Variants in SP3 observed in about 807,000 individuals in gnomAD.
The protein encoded by SP3 is Sp3 transcription factor.
In SP3, 10 loss-of-function variants were observed where a neutral mutation model predicts 70.3. The observed-to-expected ratio is 0.14, with a 90% confidence interval of 0.09 to 0.24. The LOEUF is 0.24. SP3 is among the 10% of genes least tolerant of loss of function. The pLI is 1.00. For synonymous variants in SP3, 402 were observed against 333.5 expected (o/e 1.21, Z -2.24); for missense variants, 825 against 914.6 (o/e 0.90, Z 1.26).
At position 173,949,799 on chromosome 2, in the gene SP3, TG is replaced by T. The variant is rs1574420147; in HGVS notation, c.1639+5073del. ...TAAGTTGTTTGCTTTTAAGAAGAAATGACTTCTATAAACTCTTCTTCCAACT... is the reference window on the plus strand; with the variant it reads ...TAAGTTGTTTGCTTTTAAGAAGAAATACTTCTATAAACTCTTCTTCCAACT... On this transcript the variant is annotated intron_variant, in intron 4 of 6. Transcript: ENST00000310015. 2.0e-5 allele frequency among the ~76,000 whole-genome samples: 3 copies of T among 152,320 alleles called. No homozygotes were observed. In the East Asian group the frequency reaches 5.8e-4, roughly 29 times the overall value.
intron 3 of SP3, among the ~76,000 whole-genome samples, chr2:173,958,875 A>T: frequency 6.6e-6 from 1 of 152,112 alleles, no homozygotes; most frequent in East Asian, 1.9e-4. Context: ...ACAACCGGAA[A>T]AACATTACCT....
At position 173,948,625 on chromosome 2, in the gene SP3, T is replaced by C. The variant is rs7572037; in HGVS notation, c.1639+6248A>G. ...ATAATTATGACAATATTTTAAAATA[T>C]ATGACACTAAGTCTTATTCCTAAGA... On this transcript the variant is annotated intron_variant, in intron 4 of 6. Transcript: ENST00000310015. Among the ~76,000 whole-genome samples the C allele has an allele frequency of 8.2e-3, 1,246 of 152,298 alleles. 20 individuals carry two copies. Among genetic ancestry groups the C allele is most frequent in the African/African-American group, 0.028 (1,177 of 41,560 alleles).
At chr2:173,961,801 T>C (rs2105506670) in intron 3 of SP3, among the ~76,000 whole-genome samples, 1 of 152,290 alleles carries the variant, frequency 6.6e-6, no homozygotes, top group South Asian at 2.1e-4. Context: ...TAAGTTCATA[T>C]TTGCACTGGA....
intron 4 of SP3, among the ~76,000 whole-genome samples, chr2:173,950,545 G>A (rs965071655): frequency 1.3e-5 from 2 of 151,888 alleles, no homozygotes; most frequent in Non-Finnish European, 2.9e-5. Context: ...TGGGCATGGT[G>A]GCGCTAGCCT....
rs1689205814 is a variant in SP3 at position 173,902,369 on chromosome 2, G to C, written c.*7572C>G. On this transcript the variant is annotated 3_prime_UTR_variant, in exon 7 of 7. Coordinates refer to ENST00000310015, the MANE Select transcript of SP3 (RefSeq NM_003111.5). ...GGAAAAAATGTGAACTCCTATAAATGGCTGGTAGGAATATAATTTGGTATG... is the reference window on the plus strand; with the variant it reads ...GGAAAAAATGTGAACTCCTATAAATCGCTGGTAGGAATATAATTTGGTATG... 6.6e-6 allele frequency among the ~76,000 whole-genome samples: 1 copy of C among 152,140 alleles called. No homozygotes were observed. The highest frequency in any genetic ancestry group is 1.5e-5 in the Non-Finnish European group (1 of 68,034).
At position 173,958,104 on chromosome 2, in the gene SP3, C is replaced by G. The variant is rs75848548; in HGVS notation, c.280-1872G>C. On this transcript the variant is annotated intron_variant, in intron 3 of 6. Coordinates refer to ENST00000310015, the MANE Select transcript of SP3 (RefSeq NM_003111.5). ...TTTATCTTCTTAAGGTTATTGCTCA[C>G]CTGGAGGATCCACTGAAATTTTTTC... Among the ~76,000 whole-genome samples, 367 of 152,134 alleles carry G rather than the reference C, an allele frequency of 2.4e-3. 7 individuals carry two copies. In the East Asian group the frequency reaches 0.039, roughly 16 times the overall value.
At chr2:173,952,163 T>TTTTCAAGTAAAACAG (rs1413833845) in intron 4 of SP3, among the ~76,000 whole-genome samples, 37 of 151,686 alleles carry the variant, frequency 2.4e-4, no homozygotes, top group Non-Finnish European at 2.5e-4. Flanking sequence ...AGACCACAGT[T>TTTTCAAGTAAAACAG]TATCATTCTT....
chr2:173,915,162 G>A (rs991763735), intron 5 of SP3: 1 of 152,270 alleles, frequency 6.6e-6, no homozygotes, highest in South Asian at 2.1e-4. Flanking sequence ...CAAGAAGCTA[G>A]GGAAGGTATT....
intron 5 of SP3, chr2:173,913,920 T>A (rs1357086080): frequency 6.6e-6 from 1 of 152,162 alleles, no homozygotes; most frequent in Non-Finnish European, 1.5e-5. Context: ...TCCCTTCATA[T>A]TAACCATGTA....
rs147272439 is a variant in SP3, at chr2:173,947,913, C to A, written c.1639+6960G>T. On this transcript the variant is annotated intron_variant, in intron 4 of 6. Transcript: ENST00000310015. ...AAATCCAAACACTCAGCTAACAGTT[C>A]AATGGTTCAGATTGGTTCAGATGTG... 5.5e-3 allele frequency among the ~76,000 whole-genome samples: 837 copies of A among 152,236 alleles called. 3 individuals are homozygous for A. The highest frequency in any genetic ancestry group is 0.019 in the African/African-American group (782 of 41,550).
chr2:173,904,952 A>G lies in SP3; in HGVS notation c.*4989T>C, dbSNP rs2105447141. Among the ~76,000 whole-genome samples, 1 of 152,284 alleles carries G rather than the reference A, an allele frequency of 6.6e-6. No homozygotes were observed. The highest frequency in any genetic ancestry group is 6.5e-5 in the Admixed American group (1 of 15,298). On this transcript the variant is annotated 3_prime_UTR_variant, in exon 7 of 7. Transcript: ENST00000310015. Reference sequence around the variant, plus strand: ...AGACTTTATCTTTCAGTCGCAATGAACCTGAAGATTCTTCGGCTGGTTTTT... The same window carrying G: ...AGACTTTATCTTTCAGTCGCAATGAGCCTGAAGATTCTTCGGCTGGTTTTT...
In SP3 at chr2:173,952,159, C is replaced by G. The variant is rs113602048; in HGVS notation, c.1639+2714G>C. On this transcript the variant is annotated intron_variant, in intron 4 of 6. Coordinates refer to ENST00000310015, the MANE Select transcript of SP3 (RefSeq NM_003111.5). ...CTTAAGTACATTAATCTCAAGACCA[C>G]AGTTTATCATTCTTTCAAGTAAAAA... Among the ~76,000 whole-genome samples, 884 of 149,940 alleles carry G rather than the reference C, an allele frequency of 5.9e-3. 5 individuals are homozygous for G. The highest frequency in any genetic ancestry group is 0.035 in the Middle Eastern group (10 of 288).
At chr2:173,964,040 G>T in intron 2 of SP3, 157 bp from the exon 3 acceptor site, 1 of 384,056 alleles carries the variant, frequency 2.6e-6, no homozygotes, top group Non-Finnish European at 4.6e-6. Context: ...TCCTCCTCCT[G>T]GTCCCGCCGC....
At chr2:173,911,128 G>A (rs1294458273) in intron 6 of SP3, among the ~76,000 whole-genome samples, 1 of 152,072 alleles carries the variant, frequency 6.6e-6, no homozygotes. Context: ...CCTCATGCTT[G>A]AACTATACTG....
At chr2:173,961,000 G>A (rs1351135472) in intron 3 of SP3, among the ~76,000 whole-genome samples, 1 of 151,944 alleles carries the variant, frequency 6.6e-6, no homozygotes, top group Non-Finnish European at 1.5e-5. Context: ...AAAAATAAAA[G>A]TCACTTATTT....
At chr2:173,944,273 C>T (rs1333164978) in intron 4 of SP3, among the ~76,000 whole-genome samples, 2 of 152,202 alleles carry the variant, frequency 1.3e-5, no homozygotes, top group Non-Finnish European at 2.9e-5. Context: ...GTGGCTCATG[C>T]CTATAATCCC....
intron 3 of SP3, among the ~76,000 whole-genome samples, chr2:173,956,934 A>G (rs927924692): frequency 8.5e-5 from 13 of 152,162 alleles, no homozygotes; most frequent in African/African-American, 3.1e-4. Context: ...TCTGGCATAT[A>G]CCTTTTGTAT....
chr2:173,904,644 A>C lies in SP3; in HGVS notation c.*5297T>G, dbSNP rs962255460. ...CCCAAGACATCAGTTTTCCAATTCC[A>C]AATTCTCAGGAGAAATCATCTAATT... On this transcript the variant is annotated 3_prime_UTR_variant, in exon 7 of 7. Transcript: ENST00000310015. Among the ~76,000 whole-genome samples, 8 of 152,204 alleles carry C rather than the reference A, an allele frequency of 5.3e-5. No homozygotes were observed. The highest frequency in any genetic ancestry group is 3.9e-4 in the Admixed American group (6 of 15,282).
At chr2:173,960,868 C>A (rs951779565) in intron 3 of SP3, among the ~76,000 whole-genome samples, 3 of 151,860 alleles carry the variant, frequency 2.0e-5, no homozygotes, top group African/African-American at 7.3e-5. Context: ...CCCAGTTACT[C>A]GGGAGGCTGA....
Sources: allele counts gnomAD v4.1 joint callset (sites outside exome capture counted in the v4.1 genomes callset), GRCh38; gene constraint gnomAD v4.1.1; transcripts MANE v1.5; gene names NCBI Gene and HGNC (gene_info 2026-07-23, HGNC 2026-07-21).